Variants in MAML2 observed in about 807,000 individuals in gnomAD.
The protein encoded by MAML2 is mastermind like transcriptional coactivator 2, also known as mastermind-like protein 2.
A neutral mutation model predicts 96.1 loss-of-function variants in MAML2; 22 were observed. The observed-to-expected ratio is 0.23, with a 90% CI of 0.16 to 0.33. The LOEUF is 0.33. Among genes scored for constraint, MAML2 ranks in the 10% least tolerant of loss-of-function variants. MAML2 has a pLI of 1.00. For missense variants in MAML2, 1,367 were observed against 1,392.4 expected (o/e 0.98, Z 0.29); for synonymous variants, 561 against 521.3 (o/e 1.08, Z -1.04).
chr11:95,978,432 T>C lies in MAML2; in HGVS notation c.*516A>G. Reference sequence around the variant, plus strand: ...TGGCTTTTTCTTAATTTGCATACTGTTTGGTTACTCCAAACAAACCTATAA... The same window carrying C: ...TGGCTTTTTCTTAATTTGCATACTGCTTGGTTACTCCAAACAAACCTATAA... On this transcript the variant is annotated 3_prime_UTR_variant, in exon 5 of 5. Coordinates refer to ENST00000524717, the MANE Select transcript of MAML2 (RefSeq NM_032427.4). 5.1e-6 allele frequency: 1 copy of C among 197,392 alleles called. No homozygotes were observed. Among genetic ancestry groups the C allele is most frequent in the East Asian group, 8.0e-5 (1 of 12,536 alleles). 12.2% of individuals were successfully genotyped at this position (197,392 alleles called of 1,614,324 possible).
intron 1 of MAML2, among the ~76,000 whole-genome samples, chr11:96,118,032 A>G (rs1469267483): frequency 1.3e-5 from 2 of 152,216 alleles, no homozygotes; most frequent in Non-Finnish European, 2.9e-5. Context: ...TGTAATTGTA[A>G]GACACTGGGC....
At chr11:96,082,139 C>A (rs1859537573) in intron 2 of MAML2, among the ~76,000 whole-genome samples, 2 of 145,134 alleles carry the variant, frequency 1.4e-5, no homozygotes, top group Admixed American at 1.4e-4. Flanking sequence ...TTTCCAGGAG[C>A]TTGAAGTCTA....
At chr11:96,171,020 C>CT (rs879407774) in intron 1 of MAML2, among the ~76,000 whole-genome samples, 127 of 146,510 alleles carry the variant, frequency 8.7e-4, no homozygotes, top group Middle Eastern at 3.6e-3. Context: ...CTGGCCTCTA[C>CT]TTTTTTTTTT....
chr11:96,108,523 C>T lies in MAML2; in HGVS notation c.514-15006G>A, dbSNP rs182976454. On this transcript the variant is annotated intron_variant, in intron 1 of 4. Coordinates refer to ENST00000524717, the MANE Select transcript of MAML2 (RefSeq NM_032427.4). ...TGGGCAAGTCACCTAACTAATGTAC[C>T]TCAGTTATCTCATCTGTAAAATACA... Among the ~76,000 whole-genome samples the T allele has an allele frequency of 2.0e-5, 3 of 152,230 alleles. No individual in the cohort carries two copies. The East Asian group carries it at 5.8e-4, about 29-fold the overall frequency.
At chr11:96,177,924 G>GTA (rs1861413161) in intron 1 of MAML2, among the ~76,000 whole-genome samples, 1 of 84,858 alleles carries the variant, frequency 1.2e-5, no homozygotes, top group Non-Finnish European at 2.7e-5. Flanking sequence ...AGTTGTGTGT[G>GTA]TGTGTGTGTG....
intron 1 of MAML2, among the ~76,000 whole-genome samples, chr11:96,109,783 T>A (rs1235382444): frequency 6.6e-6 from 1 of 152,088 alleles, no homozygotes; most frequent in African/African-American, 2.4e-5. Context: ...GGCATGTAAG[T>A]GGAGACATCC....
At chr11:96,037,496 TCACCAGCTGGCTGGTGA>T (rs1858736563) in intron 2 of MAML2, among the ~76,000 whole-genome samples, 1 of 152,210 alleles carries the variant, frequency 6.6e-6, no homozygotes, top group African/African-American at 2.4e-5. Flanking sequence ...AAGCATGCAT[TCACCAGCTGGCTGGTGA>T]CCATGGAAAA....
chr11:96,067,922 T>C (rs1022383877), intron 2 of MAML2, among the ~76,000 whole-genome samples: 4 of 152,210 alleles, frequency 2.6e-5, no homozygotes, highest in African/African-American at 9.7e-5. Context: ...TTTTCCTGCT[T>C]TGTTGGCCTG....
At chr11:96,066,128 T>C (rs1859241731) in intron 2 of MAML2, among the ~76,000 whole-genome samples, 1 of 152,242 alleles carries the variant, frequency 6.6e-6, no homozygotes, top group Admixed American at 6.5e-5. Context: ...CAGGAATCTT[T>C]TCCACAGGGT....
chr11:96,223,347 T>A (rs1304045109), intron 1 of MAML2, among the ~76,000 whole-genome samples: 1 of 152,206 alleles, frequency 6.6e-6, no homozygotes, highest in East Asian at 1.9e-4. Context: ...ACTTCAAGAA[T>A]GACAGCTTTC....
At chr11:96,071,503 G>C (rs1470192954) in intron 2 of MAML2, among the ~76,000 whole-genome samples, 3 of 152,246 alleles carry the variant, frequency 2.0e-5, no homozygotes, top group Non-Finnish European at 2.9e-5. Flanking sequence ...TTCAGCAGTT[G>C]CTCCTATTTA....
intron 1 of MAML2, among the ~76,000 whole-genome samples, chr11:96,286,317 C>T (rs1275547110): frequency 6.6e-6 from 1 of 152,050 alleles, no homozygotes; most frequent in African/African-American, 2.4e-5. Flanking sequence ...CAGAGTCAGT[C>T]CTGTCGGAGG....
chr11:96,229,365 T>C (rs1054895300), intron 1 of MAML2, among the ~76,000 whole-genome samples: 1 of 151,780 alleles, frequency 6.6e-6, no homozygotes, highest in African/African-American at 2.4e-5. Context: ...AATTTTCTTC[T>C]GAAAACAATT....
chr11:96,132,391 C>T (rs1485787216), intron 1 of MAML2, among the ~76,000 whole-genome samples: 1 of 152,172 alleles, frequency 6.6e-6, no homozygotes, highest in East Asian at 1.9e-4. Context: ...AGTCTAATTA[C>T]CTCAGAACTA....
Position 96,157,485 on chromosome 11 carries a change from C to G in MAML2, c.514-63968G>C, listed in dbSNP as rs1448278507. On this transcript the variant is annotated intron_variant, in intron 1 of 4. Coordinates refer to ENST00000524717, the MANE Select transcript of MAML2 (RefSeq NM_032427.4). Reference sequence around the variant, plus strand: ...TGGGACTTTGGCAAAATGCCATCAGCCTTCTGACCCACTTAAATGTTACCT... The same window carrying G: ...TGGGACTTTGGCAAAATGCCATCAGGCTTCTGACCCACTTAAATGTTACCT... Among the ~76,000 whole-genome samples the G allele has an allele frequency of 2.9e-4, 44 of 152,224 alleles. 2 individuals carry two copies. The highest frequency in any genetic ancestry group is 2.9e-3 in the Admixed American group (44 of 15,284).
chr11:96,066,295 C>G (rs930964319), intron 2 of MAML2, among the ~76,000 whole-genome samples: 2 of 152,174 alleles, frequency 1.3e-5, no homozygotes, highest in African/African-American at 4.8e-5. Context: ...CTCACTGGGG[C>G]TGGCACACAC....
chr11:96,115,530 T>C (rs1171985791), intron 1 of MAML2, among the ~76,000 whole-genome samples: 3 of 151,764 alleles, frequency 2.0e-5, no homozygotes, highest in African/African-American at 7.3e-5. Flanking sequence ...AGAAATTAAA[T>C]TAATTCAACT....
At chr11:96,341,238 G>T in intron 1 of MAML2, 145 bp downstream of exon 1, 1 of 918,226 alleles carries the variant, frequency 1.1e-6, no homozygotes. Flanking sequence ...GAAACCACCC[G>T]AACACACCCA....
intron 1 of MAML2, among the ~76,000 whole-genome samples, chr11:96,181,354 A>G (rs1478705092): frequency 1.3e-5 from 2 of 152,220 alleles, no homozygotes; most frequent in African/African-American, 4.8e-5. Context: ...TATCTCTGCA[A>G]TGCTTCATGA....
Sources: gnomAD v4.1 joint callset for allele counts (sites outside exome capture counted in the v4.1 genomes callset) on GRCh38, gnomAD v4.1.1 for gene constraint, MANE v1.5 for transcripts, NCBI Gene and HGNC (gene_info 2026-07-23, HGNC 2026-07-21) for gene names.